Variants in ADAMTS6 observed in about 807,000 individuals in gnomAD.
ADAMTS6 encodes the protein A disintegrin and metalloproteinase with thrombospondin motifs 6.
ADAMTS6 carries 23 observed loss-of-function variants against 144.3 expected under a neutral mutation model. That is an observed-to-expected ratio of 0.16 (90% CI 0.11 to 0.23). ADAMTS6 has a LOEUF of 0.23. Among genes scored for constraint, ADAMTS6 ranks in the 10% least tolerant of loss-of-function variants. The probability of loss-of-function intolerance (pLI) is 1.00; values close to 1 mark genes in which losing one functional copy is unlikely to be tolerated. For missense variants in ADAMTS6, 999 were observed against 1,379.6 expected (o/e 0.72, Z 4.37); for synonymous variants, 444 against 457.5 (o/e 0.97, Z 0.38).
intron 23 of ADAMTS6, among the ~76,000 whole-genome samples, chr5:65,171,158 C>T (rs971625411): frequency 1.6e-4 from 24 of 151,980 alleles, no homozygotes; most frequent in African/African-American, 3.4e-4. Flanking sequence ...TACAGGCACC[C>T]GCCACCACAT....
At chr5:65,309,649 T>C (rs1380342929) in intron 9 of ADAMTS6, among the ~76,000 whole-genome samples, 2 of 152,056 alleles carry the variant, frequency 1.3e-5, no homozygotes, top group Non-Finnish European at 2.9e-5. Context: ...TCTATATAGT[T>C]AAATATACAT....
intron 7 of ADAMTS6, among the ~76,000 whole-genome samples, chr5:65,388,884 A>G (rs1752681046): frequency 6.6e-6 from 1 of 152,174 alleles, no homozygotes; most frequent in Admixed American, 6.5e-5. Flanking sequence ...TGTCAAGTGA[A>G]GGCTCAAAAA....
intron 7 of ADAMTS6, among the ~76,000 whole-genome samples, chr5:65,409,791 T>C (rs550794898): frequency 3.3e-5 from 5 of 152,184 alleles, no homozygotes; most frequent in African/African-American, 4.8e-5. Context: ...TCAAAAAGTT[T>C]ATTCACCATG....
At chr5:65,450,308 T>A (rs879883279) in intron 7 of ADAMTS6, among the ~76,000 whole-genome samples, 11 of 152,172 alleles carry the variant, frequency 7.2e-5, no homozygotes, top group Non-Finnish European at 1.3e-4. Flanking sequence ...AAAGTAAGTA[T>A]AACTATTAAA....
At chr5:65,422,778 G>T (rs999181745) in intron 7 of ADAMTS6, among the ~76,000 whole-genome samples, 1 of 152,134 alleles carries the variant, frequency 6.6e-6, no homozygotes, top group Admixed American at 6.5e-5. Context: ...ATTTGATCCA[G>T]CAATCCCACT....
At chr5:65,407,763 A>T (rs1231403847) in intron 7 of ADAMTS6, among the ~76,000 whole-genome samples, 3 of 152,092 alleles carry the variant, frequency 2.0e-5, no homozygotes, top group African/African-American at 7.2e-5. Flanking sequence ...TACCCAAAGG[A>T]TTATAAATCA....
chr5:65,235,250 G>A (rs572500777), intron 15 of ADAMTS6, among the ~76,000 whole-genome samples: 7 of 152,252 alleles, frequency 4.6e-5, no homozygotes, highest in Admixed American at 2.0e-4. Flanking sequence ...GTGAGGTGAC[G>A]GATACATTAA....
intron 9 of ADAMTS6, among the ~76,000 whole-genome samples, chr5:65,322,364 C>T (rs7705642): frequency 0.57 from 86,342 of 151,980 alleles, 25,806 homozygotes; most frequent in African/African-American, 0.76. Context: ...GGCTCCATTT[C>T]GGTTCCATAT....
At chr5:65,320,601 T>G (rs1476367706) in intron 9 of ADAMTS6, among the ~76,000 whole-genome samples, 1 of 152,102 alleles carries the variant, frequency 6.6e-6, no homozygotes, top group Admixed American at 6.5e-5. Context: ...GAAGGTTTGT[T>G]ACATAGGTAA....
intron 12 of ADAMTS6, among the ~76,000 whole-genome samples, chr5:65,271,536 C>T (rs1486961824): frequency 6.6e-6 from 1 of 151,986 alleles, no homozygotes; most frequent in African/African-American, 2.4e-5. Flanking sequence ...CATATATACG[C>T]ACATATATGC....
chr5:65,311,597 G>A (rs1301030180), intron 9 of ADAMTS6, among the ~76,000 whole-genome samples: 1 of 151,910 alleles, frequency 6.6e-6, no homozygotes, highest in Non-Finnish European at 1.5e-5. Context: ...TAAGATATAT[G>A]AGGCAGCCCA....
At chr5:65,333,819 A>G (rs1296937499) in intron 8 of ADAMTS6, among the ~76,000 whole-genome samples, 1 of 151,300 alleles carries the variant, frequency 6.6e-6, no homozygotes, top group Non-Finnish European at 1.5e-5. Context: ...AAGCCAATGA[A>G]ATTTATATAA....
chr5:65,344,349 G>C (rs1002520922), intron 7 of ADAMTS6, among the ~76,000 whole-genome samples: 1 of 151,600 alleles, frequency 6.6e-6, no homozygotes, highest in Non-Finnish European at 1.5e-5. Flanking sequence ...ACTAAATTAT[G>C]TTACATATTT....
chr5:65,322,282 A>C (rs1693398067), intron 9 of ADAMTS6, among the ~76,000 whole-genome samples: 1 of 152,146 alleles, frequency 6.6e-6, no homozygotes, highest in Admixed American at 6.5e-5. Flanking sequence ...CCTGTAGCAC[A>C]GTTTGAAGCC....
At chr5:65,369,929 T>C (rs573778739) in intron 7 of ADAMTS6, among the ~76,000 whole-genome samples, 3 of 152,124 alleles carry the variant, frequency 2.0e-5, no homozygotes, top group South Asian at 2.1e-4. Flanking sequence ...ACTAACTTCC[T>C]AGGGAAGTTA....
intron 15 of ADAMTS6, among the ~76,000 whole-genome samples, chr5:65,235,481 A>C (rs552574318): frequency 1.3e-5 from 2 of 152,268 alleles, no homozygotes; most frequent in African/African-American, 4.8e-5. Flanking sequence ...TTGCTAAAGG[A>C]GATTAACATT....
intron 15 of ADAMTS6, among the ~76,000 whole-genome samples, chr5:65,239,627 G>T (rs897869016): frequency 6.6e-6 from 1 of 152,152 alleles, no homozygotes; most frequent in Admixed American, 6.5e-5. Flanking sequence ...GAAAGCCACA[G>T]AATGTGACAA....
In ADAMTS6 at chr5:65,255,879, A is replaced by C. The variant is rs1463946632; in HGVS notation, c.1830+4721T>G. ...TTTTTTAATTTAATTTTAAAAATTTATTTATTTTGAGTCAGGGTCTCACTG... is the reference window on the plus strand; with the variant it reads ...TTTTTTAATTTAATTTTAAAAATTTCTTTATTTTGAGTCAGGGTCTCACTG... On this transcript the variant is annotated intron_variant, in intron 14 of 24. Coordinates refer to ENST00000381055, the MANE Select transcript of ADAMTS6 (RefSeq NM_197941.4). Among the ~76,000 whole-genome samples, 5 of 152,218 alleles carry C rather than the reference A, an allele frequency of 3.3e-5. No individual in the cohort carries two copies. In the East Asian group the frequency reaches 7.7e-4, roughly 23 times the overall value.
chr5:65,170,871 T>A, intron 23 of ADAMTS6, 98 bp from the exon 24 acceptor site: 30 of 629,794 alleles, frequency 4.8e-5, no homozygotes, highest in Non-Finnish European at 6.5e-5. Flanking sequence ...CAATATGAAC[T>A]TTTTTTTTTT....
Sources: gnomAD v4.1 joint callset for allele counts (sites outside exome capture counted in the v4.1 genomes callset) on GRCh38, gnomAD v4.1.1 for gene constraint, MANE v1.5 for transcripts, NCBI Gene and HGNC (gene_info 2026-07-23, HGNC 2026-07-21) for gene names.